Variants in ZNF136 observed in about 807,000 individuals in gnomAD.
ZNF136 encodes the protein zinc finger protein 136.
In ZNF136, 8 loss-of-function variants were observed where a neutral mutation model predicts 11.4. The observed-to-expected ratio is 0.70, with a 90% CI of 0.41 to 1.27. The LOEUF (loss-of-function observed/expected upper bound fraction) is 1.27, where lower values mean the gene tolerates loss of function less well. Among genes scored for constraint, ZNF136 ranks in the 50% most tolerant of loss-of-function variants. ZNF136 has a pLI of 0.01. For missense variants in ZNF136, 590 were observed against 656.5 expected, an observed-to-expected ratio of 0.90 and a Z score of 1.11; for synonymous variants, 190 against 207.1, an observed-to-expected ratio of 0.92 and a Z score of 0.71.
intron 1 of ZNF136, among the ~76,000 whole-genome samples, chr19:12,184,299 G>A (rs1001749930): frequency 7.9e-5 from 12 of 151,556 alleles, no homozygotes; most frequent in South Asian, 2.1e-4. Context: ...GGTGGCTCAC[G>A]CCTGTAATCC....
Position 12,186,553 on chromosome 19 carries a change from C to A in ZNF136, c.192-17C>A. 1.3e-6 allele frequency: 2 copies of A among 1,551,078 alleles called. No homozygotes were observed. The highest frequency in any genetic ancestry group is 2.4e-5 in the South Asian group (2 of 83,778). On this transcript the variant is annotated splice_polypyrimidine_tract_variant and intron_variant, in intron 3 of 3. Coordinates refer to ENST00000343979, the MANE Select transcript of ZNF136 (RefSeq NM_003437.5). ...TGATTAACAAATCCTTAGTAATGTC[C>A]GTCTCATTTTTTACAGAAGTCATAT...
At chr19:12,182,062 A>G (rs892666867) in intron 1 of ZNF136, among the ~76,000 whole-genome samples, 5 of 152,200 alleles carry the variant, frequency 3.3e-5, no homozygotes, top group Non-Finnish European at 7.3e-5. Context: ...GTGAGTCACC[A>G]TGCCCAGCTG....
chr19:12,178,766 G>A (rs1054132430), intron 1 of ZNF136, among the ~76,000 whole-genome samples: 1 of 152,074 alleles, frequency 6.6e-6, no homozygotes, highest in Non-Finnish European at 1.5e-5. Context: ...TGAGGTGGGT[G>A]GATCATGAGG....
rs185618637 is a variant in ZNF136, at chr19:12,181,847, G to A, written c.4-3938G>A. Reference sequence around the variant, plus strand: ...AGACAGGGTTTCACCATATTAGCCAGGATGGTTTCGATCTCCTGACCTCGC... The same window carrying A: ...AGACAGGGTTTCACCATATTAGCCAAGATGGTTTCGATCTCCTGACCTCGC... On this transcript the variant is annotated intron_variant, in intron 1 of 3. Coordinates refer to ENST00000343979, the MANE Select transcript of ZNF136 (RefSeq NM_003437.5). Among the ~76,000 whole-genome samples, 249 of 152,302 alleles carry A rather than the reference G, an allele frequency of 1.6e-3. 5 individuals are homozygous for A. The South Asian group carries it at 0.035, about 21-fold the overall frequency.
chr19:12,186,659 A>T lies in ZNF136; in HGVS notation c.281A>T (p.Lys94Met), dbSNP rs1915095711. The change falls in exon 4 of 4, where the codon AAG becomes ATG. Residue 94 changes from lysine to methionine, a missense_variant. By Grantham distance (95) the Lys-to-Met change is moderately conservative (BLOSUM62 -1). Coordinates refer to ENST00000343979, the MANE Select transcript of ZNF136 (RefSeq NM_003437.5). ...FSQFANQNLS[K>M]KIPGVKLCES... ...CAGTTTGCAAATCAGAATCTGAGCA[A>T]GAAAATCCCTGGAGTGAAACTCTGT... 2 of 1,614,076 alleles carry T rather than the reference A, an allele frequency of 1.2e-6. No individual in the cohort carries two copies. Among genetic ancestry groups the T allele is most frequent in the African/African-American group, 2.7e-5 (2 of 74,944 alleles).
intron 1 of ZNF136, among the ~76,000 whole-genome samples, chr19:12,164,436 T>A (rs2145623902): frequency 7.1e-6 from 1 of 141,136 alleles, no homozygotes; most frequent in South Asian, 2.2e-4. Flanking sequence ...CACTCCCAGA[T>A]AACTTTTTTT....
intron 1 of ZNF136, among the ~76,000 whole-genome samples, chr19:12,176,549 A>G (rs919688404): frequency 1.3e-5 from 2 of 150,932 alleles, no homozygotes; most frequent in African/African-American, 4.9e-5. Flanking sequence ...CTGGTCTCAA[A>G]CTCCTGACCT....
At chr19:12,165,311 A>C (rs1242283941) in intron 1 of ZNF136, among the ~76,000 whole-genome samples, 3 of 152,184 alleles carry the variant, frequency 2.0e-5, no homozygotes, top group Non-Finnish European at 2.9e-5. Context: ...CTCTGCTGAC[A>C]CTGGAGTCAG....
At chr19:12,173,281 A>G (rs957639350) in intron 1 of ZNF136, among the ~76,000 whole-genome samples, 7 of 152,148 alleles carry the variant, frequency 4.6e-5, no homozygotes, top group African/African-American at 1.4e-4. Flanking sequence ...CACTCAATCT[A>G]TTAGTATTAG....
At chr19:12,164,683 C>CCGCCT (rs1977161433) in intron 1 of ZNF136, 1 of 152,252 alleles carries the variant, frequency 6.6e-6, no homozygotes. Flanking sequence ...ACCTCGCGAT[C>CCGCCT]CGCCTGCCTT....
chr19:12,181,139 T>A (rs117439684), intron 1 of ZNF136, among the ~76,000 whole-genome samples: 5,725 of 152,314 alleles, frequency 0.038, 174 homozygotes, highest in Non-Finnish European at 0.056. Context: ...CTGTGCTCTG[T>A]GCTGGCCGTG....
At chr19:12,170,490 C>T (rs1254485138) in intron 1 of ZNF136, among the ~76,000 whole-genome samples, 1 of 150,812 alleles carries the variant, frequency 6.6e-6, no homozygotes, top group Non-Finnish European at 1.5e-5. Context: ...CAGGCTCAAG[C>T]AATCCTTCCA....
At chr19:12,180,700 A>G (rs1914918374) in intron 1 of ZNF136, among the ~76,000 whole-genome samples, 1 of 152,220 alleles carries the variant, frequency 6.6e-6, no homozygotes, top group South Asian at 2.1e-4. Context: ...GATAGTGCAT[A>G]GCAATATAGA....
chr19:12,175,400 G>A (rs1200720751), intron 1 of ZNF136, among the ~76,000 whole-genome samples: 3 of 151,896 alleles, frequency 2.0e-5, no homozygotes, highest in African/African-American at 7.3e-5. Context: ...TTGCCATGTT[G>A]GCCAGGCTCG....
Position 12,163,131 on chromosome 19 carries a change from T to C in ZNF136, c.-73T>C. 5 of 1,380,960 alleles carry C rather than the reference T, an allele frequency of 3.6e-6. No homozygotes were observed. The highest frequency in any genetic ancestry group is 1.9e-5 in the South Asian group (1 of 52,208). The allele number at this position is 1,380,960 out of a possible 1,614,324, so 85.5% of individuals were successfully genotyped here. A position where few individuals can be genotyped will look rare whatever the true frequency, so the allele number is the denominator to read the frequency against. ...GAGGCCCAGAGTGGCTCGCCTGGAGTCTCTGTGGCGCGGTTTCCTGTACCT... is the reference window on the plus strand; with the variant it reads ...GAGGCCCAGAGTGGCTCGCCTGGAGCCTCTGTGGCGCGGTTTCCTGTACCT... On this transcript the variant is annotated 5_prime_UTR_variant, in exon 1 of 4. Coordinates refer to ENST00000343979, the MANE Select transcript of ZNF136 (RefSeq NM_003437.5).
At chr19:12,165,764 G>C (rs1293012083) in intron 1 of ZNF136, among the ~76,000 whole-genome samples, 4 of 152,196 alleles carry the variant, frequency 2.6e-5, no homozygotes, top group Non-Finnish European at 5.9e-5. Context: ...CAGTGCCCTT[G>C]TGTCTTCACA....
At chr19:12,167,711 G>A (rs1265178098) in intron 1 of ZNF136, among the ~76,000 whole-genome samples, 1 of 152,092 alleles carries the variant, frequency 6.6e-6, no homozygotes, top group African/African-American at 2.4e-5. Flanking sequence ...AAAAATACAG[G>A]TGCCTGCCAC....
chr19:12,186,352 A>G (rs1333809858), intron 3 of ZNF136, among the ~76,000 whole-genome samples, 178 bp downstream of exon 3: 1 of 152,204 alleles, frequency 6.6e-6, no homozygotes, highest in Non-Finnish European at 1.5e-5. Context: ...AAAAATGTTC[A>G]TTTGTCAACA....
chr19:12,181,391 A>AGTAG (rs1303946808), intron 1 of ZNF136, among the ~76,000 whole-genome samples: 1 of 152,102 alleles, frequency 6.6e-6, no homozygotes, highest in African/African-American at 2.4e-5. Context: ...TAATTTCTGC[A>AGTAG]GTCCCCAACA....
Sources: gnomAD v4.1 joint callset for allele counts (sites outside exome capture counted in the v4.1 genomes callset) on GRCh38, gnomAD v4.1.1 for gene constraint, MANE v1.5 for transcripts, NCBI Gene and HGNC (gene_info 2026-07-23, HGNC 2026-07-21) for gene names.